ERAP1: variants seen among roughly 807,000 people sequenced by gnomAD.
The protein encoded by ERAP1 is adipocyte-derived leucine aminopeptidase.
Under a neutral mutation model 103.7 loss-of-function variants are expected in ERAP1, and 86 were observed. The ratio of observed to expected loss-of-function variants is 0.83; its 90% CI spans 0.70 to 0.99. The LOEUF (loss-of-function observed/expected upper bound fraction) is 0.99. ERAP1 is among the 50% of genes least tolerant of loss of function. The pLI, the probability that ERAP1 is intolerant of heterozygous loss-of-function variation, is 0.00. For missense variants in ERAP1, 1,009 were observed against 1,128.4 expected, an observed-to-expected ratio of 0.89 and a Z score of 1.52; for synonymous variants, 398 against 402.4, an observed-to-expected ratio of 0.99 and a Z score of 0.13.
Position 96,776,266 on chromosome 5 carries a change from T to C in ERAP1, c.*130A>G. 6.9e-7 allele frequency: 1 copy of C among 1,456,650 alleles called. No homozygotes were observed. Among genetic ancestry groups the C allele is most frequent in the South Asian group, 1.3e-5 (1 of 76,278 alleles). 90.2% of individuals were successfully genotyped at this position (1,456,650 alleles called of 1,614,324 possible). On this transcript the variant is annotated 3_prime_UTR_variant, in exon 19 of 19. Coordinates refer to ENST00000443439, the MANE Select transcript of ERAP1 (RefSeq NM_001040458.3). ...CTAACAGCTATTCTTTTCACAGGGA[T>C]AGTCAAAAAATGAGTTGAAGGGAAA... is the stretch of plus-strand genomic sequence containing the variant.
chr5:96,859,599 T>A, the ERAP1 span, among the ~76,000 whole-genome samples: 1,176 of 152,274 alleles, frequency 7.7e-3, 18 homozygotes, highest in African/African-American at 0.027. Context: ...AGAGGCTAGA[T>A]CCTGCCTTGG....
At chr5:96,851,676 C>A in the ERAP1 span, among the ~76,000 whole-genome samples, 1 of 152,176 alleles carries the variant, frequency 6.6e-6, no homozygotes, top group Non-Finnish European at 1.5e-5. Context: ...GGAAAACAGT[C>A]TCAATTTTCT....
the ERAP1 span, chr5:96,886,857 C>A: frequency 2.3e-6 from 3 of 1,286,586 alleles, no homozygotes; most frequent in East Asian, 5.5e-5. Context: ...CTTTTGTTTT[C>A]TCATGTTTTT....
At chr5:96,832,517 T>G in the ERAP1 span, among the ~76,000 whole-genome samples, 1 of 152,202 alleles carries the variant, frequency 6.6e-6, no homozygotes. Context: ...AACTACACAT[T>G]CAGATTTTTC....
the ERAP1 span, among the ~76,000 whole-genome samples, chr5:96,851,941 GGTGGT>G: frequency 6.6e-6 from 1 of 152,136 alleles, no homozygotes; most frequent in Admixed American, 6.6e-5. Flanking sequence ...GAATAGACAT[GGTGGT>G]GTGGAAAACA....
the ERAP1 span, among the ~76,000 whole-genome samples, chr5:96,841,747 C>CTTCTT: frequency 9.2e-6 from 1 of 108,548 alleles, no homozygotes; most frequent in Non-Finnish European, 1.8e-5. Context: ...TCTTCTTCTT[C>CTTCTT]TTTTTTTTTT....
At chr5:96,862,980 G>A in the ERAP1 span, among the ~76,000 whole-genome samples, 1 of 152,046 alleles carries the variant, frequency 6.6e-6, no homozygotes, top group Admixed American at 6.6e-5. Flanking sequence ...GGTTGAGCAG[G>A]GCATAACTGA....
the ERAP1 span, among the ~76,000 whole-genome samples, chr5:96,886,480 G>A: frequency 6.6e-6 from 1 of 152,126 alleles, no homozygotes; most frequent in Non-Finnish European, 1.5e-5. Context: ...TGGGGTAAAA[G>A]CAATGGAGGT....
the ERAP1 span, among the ~76,000 whole-genome samples, chr5:96,874,278 T>C: frequency 6.6e-6 from 1 of 152,196 alleles, no homozygotes; most frequent in Non-Finnish European, 1.5e-5. Context: ...GGCTCAATTT[T>C]CACTTCTAGG....
chr5:96,819,375 A>G, the ERAP1 span, among the ~76,000 whole-genome samples: 1 of 152,168 alleles, frequency 6.6e-6, no homozygotes, highest in Non-Finnish European at 1.5e-5. Context: ...CCTACAGACA[A>G]TCATCAGCGG....
At chr5:96,900,853 A>AT in the ERAP1 span, among the ~76,000 whole-genome samples, 2 of 151,824 alleles carry the variant, frequency 1.3e-5, no homozygotes, top group South Asian at 4.2e-4. Context: ...ATTTTTTTGT[A>AT]TTTTCAGTAG....
At chr5:96,844,492 T>A in the ERAP1 span, among the ~76,000 whole-genome samples, 1 of 152,200 alleles carries the variant, frequency 6.6e-6, no homozygotes, top group African/African-American at 2.4e-5. Context: ...TTTTGATATG[T>A]GCAATTAAAA....
intron 18 of ERAP1, 88 bp from the exon 19 acceptor site, chr5:96,776,639 C>G: frequency 6.4e-7 from 1 of 1,550,694 alleles, no homozygotes; most frequent in Non-Finnish European, 8.7e-7. Flanking sequence ...AAAATTCCAG[C>G]ATTTGTCAAA....
At chr5:96,767,619 G>A (rs984499563) in intron 19 of ERAP1, 5 of 682,506 alleles carry the variant, frequency 7.3e-6, no homozygotes, top group African/African-American at 5.4e-5. Context: ...ATATAAATGT[G>A]TGTGACTATT....
intron 5 of ERAP1, among the ~76,000 whole-genome samples, chr5:96,794,281 C>G (rs964212205): frequency 6.7e-6 from 1 of 150,240 alleles, no homozygotes; most frequent in Non-Finnish European, 1.5e-5. Flanking sequence ...CTCAACCTCC[C>G]AAGCTCAGGT....
intron 14 of ERAP1, 70 bp downstream of exon 14, chr5:96,783,853 AC>A: frequency 1.1e-4 from 45 of 398,856 alleles, no homozygotes; most frequent in South Asian, 1.8e-4. Context: ...ACACACACAC[AC>A]ATACACACAC....
the ERAP1 span, chr5:96,917,634 C>T: frequency 2.5e-5 from 39 of 1,569,054 alleles, no homozygotes; most frequent in Non-Finnish European, 3.0e-5. Flanking sequence ...AGGCTGGGCG[C>T]GGTGGCTCAC....
At chr5:96,841,510 C>G in the ERAP1 span, among the ~76,000 whole-genome samples, 1 of 152,166 alleles carries the variant, frequency 6.6e-6, no homozygotes, top group African/African-American at 2.4e-5. Context: ...GGATCTCTCT[C>G]AGAGGCCTGT....
the ERAP1 span, among the ~76,000 whole-genome samples, chr5:96,872,536 C>T: frequency 6.6e-4 from 100 of 152,170 alleles, no homozygotes; most frequent in African/African-American, 2.2e-3. Flanking sequence ...GAGGTTGAGG[C>T]TCCAATAAGC....
Sources: allele counts gnomAD v4.1 joint callset (sites outside exome capture counted in the v4.1 genomes callset), GRCh38; gene constraint gnomAD v4.1.1; transcripts MANE v1.5; gene names NCBI Gene and HGNC (gene_info 2026-07-23, HGNC 2026-07-21).